SETD2: variants seen among roughly 807,000 people sequenced by gnomAD.
The protein encoded by SETD2 is histone-lysine N-methyltransferase SETD2.
A neutral mutation model predicts 242.1 loss-of-function variants in SETD2; 31 were observed. The observed-to-expected ratio is 0.13, with a 90% CI of 0.10 to 0.17. The LOEUF (loss-of-function observed/expected upper bound fraction) is 0.17, where lower values mean the gene tolerates loss of function less well. Among genes scored for constraint, SETD2 ranks in the 10% least tolerant of loss-of-function variants. The probability of loss-of-function intolerance (pLI) is 1.00; values close to 1 mark genes in which losing one functional copy is unlikely to be tolerated. For missense variants in SETD2, 2,481 were observed against 3,046.3 expected (o/e 0.81, Z 4.37); for synonymous variants, 1,006 against 1,066.5 (o/e 0.94, Z 1.11).
At chr3:47,094,672 A>G (rs564999645) in intron 9 of SETD2, among the ~76,000 whole-genome samples, 128 of 152,354 alleles carry the variant, frequency 8.4e-4, no homozygotes, top group Middle Eastern at 3.4e-3. Flanking sequence ...TTAAAGTACA[A>G]TTAACCTCTG....
intron 11 of SETD2, among the ~76,000 whole-genome samples, chr3:47,084,625 C>T (rs1020772607): frequency 6.6e-6 from 1 of 152,010 alleles, no homozygotes; most frequent in Non-Finnish European, 1.5e-5. Flanking sequence ...AGGGTTTCAC[C>T]ATGTTGGCCA....
intron 6 of SETD2, among the ~76,000 whole-genome samples, chr3:47,103,789 G>A (rs566106439): frequency 6.6e-6 from 1 of 152,262 alleles, no homozygotes; most frequent in East Asian, 1.9e-4. Context: ...CCTTGCTTCA[G>A]AGAACTGTCA....
chr3:47,121,885 A>T lies in SETD2; in HGVS notation c.2751T>A (p.Ser917Arg), dbSNP rs760615177. Residue 917 changes from serine (S) to arginine (R), a missense_variant, in exon 3 of 21, where the codon AGT becomes AGA. By Grantham distance (110) the Ser-to-Arg change is moderately radical (BLOSUM62 -1). Around this residue, in one of 17 missense-constraint regions of SETD2, gnomAD observed 1,300 missense variants for 1,259.2 expected, o/e 1.03. Coordinates refer to ENST00000409792, the MANE Select transcript of SETD2 (RefSeq NM_014159.7). ...TCCCTGCATGCTTTAAAAACTCTGA[A>T]CTTTTTTTACTCTTTAGCACTGCAT... ...VLDAVLKSKK[S>R]SEFLKHAGKE... 1.2e-6 allele frequency: 2 copies of T among 1,613,946 alleles called. No individual in the cohort carries two copies. The highest frequency in any genetic ancestry group is 4.5e-5 in the East Asian group (2 of 44,872).
chr3:47,085,951 A>G (rs1295489822), intron 11 of SETD2, among the ~76,000 whole-genome samples: 1 of 152,196 alleles, frequency 6.6e-6, no homozygotes, highest in Non-Finnish European at 1.5e-5. Context: ...TTGCTCTTGT[A>G]GTTCCCTGCT....
intron 1 of SETD2, among the ~76,000 whole-genome samples, chr3:47,139,655 A>T (rs2106787880): frequency 6.6e-6 from 1 of 152,336 alleles, no homozygotes; most frequent in Non-Finnish European, 1.5e-5. Flanking sequence ...ATGTAGAAAA[A>T]GCAAGATATA....
At chr3:47,070,505 C>T (rs1217970283) in intron 12 of SETD2, among the ~76,000 whole-genome samples, 1 of 152,094 alleles carries the variant, frequency 6.6e-6, no homozygotes, top group African/African-American at 2.4e-5. Context: ...TCCAAAGTCC[C>T]ACAACATTGA....
chr3:47,097,154 G>A (rs963253766), intron 9 of SETD2, among the ~76,000 whole-genome samples: 1 of 152,134 alleles, frequency 6.6e-6, no homozygotes, highest in Non-Finnish European at 1.5e-5. Context: ...AACTGCAAAA[G>A]AATCACAGGG....
At chr3:47,145,951 G>C (rs1182701898) in intron 1 of SETD2, among the ~76,000 whole-genome samples, 6 of 138,580 alleles carry the variant, frequency 4.3e-5, no homozygotes, top group African/African-American at 1.6e-4. Context: ...AGGAGTCTAA[G>C]GCTACAGTGA....
intron 1 of SETD2, among the ~76,000 whole-genome samples, chr3:47,127,915 A>G (rs1476809811): frequency 6.6e-6 from 1 of 152,168 alleles, no homozygotes; most frequent in Non-Finnish European, 1.5e-5. Flanking sequence ...TGAGCCTGGG[A>G]GACAGAAATT....
At chr3:47,140,328 A>C (rs2043697389) in intron 1 of SETD2, among the ~76,000 whole-genome samples, 1 of 152,216 alleles carries the variant, frequency 6.6e-6, no homozygotes, top group Non-Finnish European at 1.5e-5. Context: ...AAAACCCATA[A>C]GTTGGAACGT....
At position 47,046,614 on chromosome 3, in the gene SETD2, G is replaced by A. The variant is rs1425169903; in HGVS notation, c.6971C>T (p.Ala2324Val). ...QTTPPIVQSY[A>V]QPSLQYIQGQ... Reference sequence around the variant, plus strand: ...CTGGATATACTGAAGACTTGGCTGGGCATAACTCTAAAAGATAAAATGAAG... The same window carrying A: ...CTGGATATACTGAAGACTTGGCTGGACATAACTCTAAAAGATAAAATGAAG... The change falls in exon 16 of 21, where the codon GCC (alanine) becomes GTC (valine). Residue 2324 changes from alanine (A) to valine (V), a missense_variant. Ala to Val is a moderately conservative substitution (Grantham distance 64). This residue lies in a region of SETD2 where 235 missense variants were observed against 293.9 expected (regional missense o/e 0.80). Coordinates refer to ENST00000409792, the MANE Select transcript of SETD2 (RefSeq NM_014159.7). 3 of 1,608,048 alleles carry A rather than the reference G, an allele frequency of 1.9e-6. No homozygotes were observed. Among genetic ancestry groups the A allele is most frequent in the Admixed American group, 1.7e-5 (1 of 58,794 alleles).
Position 47,017,538 on chromosome 3 carries a change from A to AG in SETD2, c.7533+99dup. On this transcript the variant is annotated intron_variant, in intron 20 of 20. Transcript: ENST00000409792. This position sits in a 1 kb window ranked among gnomAD's most constrained non-coding sequence, Gnocchi z 4.8. ...GGGTCCCCAGCTCTGACATCTGACAAGAAAAAAAAAAATACTTTCTATGAT... is the reference window on the plus strand; with the variant it reads ...GGGTCCCCAGCTCTGACATCTGACAAGGAAAAAAAAAAATACTTTCTATGAT... The AG allele has an allele frequency of 1.1e-6, 1 of 948,292 alleles. No homozygotes were observed. Among genetic ancestry groups the AG allele is most frequent in the Non-Finnish European group, 1.6e-6 (1 of 612,078 alleles). 58.7% of individuals were successfully genotyped at this position (948,292 alleles called of 1,614,324 possible). A position where few individuals can be genotyped will look rare whatever the true frequency, so the allele number is the denominator to read the frequency against.
In SETD2 at chr3:47,062,318, G is replaced by C. The variant is rs1272452422; in HGVS notation, c.6138C>G (p.Gly2046=). 5 of 1,609,950 alleles carry C rather than the reference G, an allele frequency of 3.1e-6. No individual in the cohort carries two copies. The highest frequency in any genetic ancestry group is 4.2e-6 in the Non-Finnish European group (5 of 1,178,774). ...TTTERGRDAV[G]FRDQTPAPKT... ...TCGGGGCAGGTGTTTGATCTCTGAA[G>C]CCAACAGCATCCCTTCCTCGTTCAG... The change falls in exon 14 of 21, where the codon GGC becomes GGG. Residue 2046 remains glycine, a synonymous_variant. Coordinates refer to ENST00000409792, the MANE Select transcript of SETD2 (RefSeq NM_014159.7).
chr3:47,072,294 T>A (rs956121844), intron 12 of SETD2, among the ~76,000 whole-genome samples: 4 of 151,674 alleles, frequency 2.6e-5, no homozygotes, highest in African/African-American at 9.7e-5. Flanking sequence ...GGCGACAGAG[T>A]GAGACTCTGT....
intron 1 of SETD2, among the ~76,000 whole-genome samples, chr3:47,133,973 T>C (rs1052007082): frequency 6.6e-6 from 1 of 152,158 alleles, no homozygotes; most frequent in African/African-American, 2.4e-5. Context: ...TTCATAATAT[T>C]GCTTTTAACA....
intron 4 of SETD2, among the ~76,000 whole-genome samples, chr3:47,116,368 G>A (rs952602903): frequency 3.3e-5 from 5 of 152,100 alleles, no homozygotes; most frequent in Admixed American, 1.3e-4. Flanking sequence ...GTACTGAATA[G>A]AAATTAATAT....
intron 16 of SETD2, 97 bp from the exon 17 acceptor site, chr3:47,042,797 C>T (rs1305222027): frequency 1.9e-6 from 2 of 1,049,678 alleles, no homozygotes; most frequent in African/African-American, 1.6e-5. Flanking sequence ...AAATGTACAT[C>T]TACCTCCTCT....
chr3:47,024,646 C>T lies in SETD2; in HGVS notation c.7351-4806G>A, dbSNP rs1035158910. 4.6e-5 allele frequency among the ~76,000 whole-genome samples: 7 copies of T among 152,154 alleles called. No individual in the cohort carries two copies. In the South Asian group the frequency reaches 8.3e-4, roughly 18 times the overall value. On this transcript the variant is annotated intron_variant, in intron 18 of 20. Coordinates refer to ENST00000409792, the MANE Select transcript of SETD2 (RefSeq NM_014159.7). ...CAGCCTGGGCGACAGAGCAAGACCC[C>T]GTTTGAAAAATACATTGGCTCTTGA...
chr3:47,139,735 T>TA (rs200997157), intron 1 of SETD2, among the ~76,000 whole-genome samples: 181 of 151,336 alleles, frequency 1.2e-3, no homozygotes, highest in Non-Finnish European at 2.0e-3. Flanking sequence ...ACAAGTGAAT[T>TA]AAAAAAAAAC....
Sources: allele counts gnomAD v4.1 joint callset (sites outside exome capture counted in the v4.1 genomes callset), GRCh38; gene constraint gnomAD v4.1.1; regional missense constraint gnomAD v4.1.1; non-coding constraint Gnocchi (gnomAD v3.1); transcripts MANE v1.5; gene names NCBI Gene and HGNC (gene_info 2026-07-23, HGNC 2026-07-21).